SORCS2: variants seen among roughly 807,000 people sequenced by gnomAD.
SORCS2 encodes sortilin related VPS10 domain containing receptor 2, also known as VPS10 domain-containing receptor SorCS2.
In SORCS2, 100 loss-of-function variants were observed where a neutral mutation model predicts 141.6. The observed-to-expected ratio is 0.71, with a 90% confidence interval of 0.60 to 0.83. The LOEUF (loss-of-function observed/expected upper bound fraction) is 0.83. Among genes scored for constraint, SORCS2 ranks in the 40% least tolerant of loss-of-function variants. SORCS2 has a pLI of 0.00. For missense variants in SORCS2, 1,646 were observed against 1,560.2 expected (o/e 1.05, Z -0.93); for synonymous variants, 789 against 676.9 (o/e 1.17, Z -2.57).
At chr4:7,640,516 G>A (rs2108870418) in intron 4 of SORCS2, among the ~76,000 whole-genome samples, 1 of 151,758 alleles carries the variant, frequency 6.6e-6, no homozygotes, top group East Asian at 1.9e-4. Context: ...GAGTGTGTGA[G>A]TGTATGTGGA....
chr4:7,349,783 T>G (rs1720836047), intron 1 of SORCS2, among the ~76,000 whole-genome samples: 1 of 152,194 alleles, frequency 6.6e-6, no homozygotes, highest in African/African-American at 2.4e-5. Context: ...CGGAGAACTG[T>G]TGGACTGGAC....
At chr4:7,534,230 G>T (rs929426792) in intron 3 of SORCS2, among the ~76,000 whole-genome samples, 1 of 152,204 alleles carries the variant, frequency 6.6e-6, no homozygotes, top group Non-Finnish European at 1.5e-5. Context: ...CACTGTAGCC[G>T]CATCAGGTTT....
intron 2 of SORCS2, among the ~76,000 whole-genome samples, chr4:7,453,205 G>T (rs1218342552): frequency 7.4e-6 from 1 of 135,410 alleles, no homozygotes. Flanking sequence ...TCCGTGTTGG[G>T]GTCAGGCGCT....
At chr4:7,526,533 G>A (rs930039319) in intron 2 of SORCS2, among the ~76,000 whole-genome samples, 2 of 150,732 alleles carry the variant, frequency 1.3e-5, no homozygotes, top group African/African-American at 2.5e-5. Context: ...ATGAATCGGC[G>A]GAGAACAGGG....
At chr4:7,368,058 T>C (rs1722012518) in intron 1 of SORCS2, among the ~76,000 whole-genome samples, 1 of 152,212 alleles carries the variant, frequency 6.6e-6, no homozygotes, top group South Asian at 2.1e-4. Context: ...AAGCTCCTTT[T>C]TTTACAGAGG....
At chr4:7,369,746 C>T (rs1722130720) in intron 1 of SORCS2, among the ~76,000 whole-genome samples, 1 of 152,200 alleles carries the variant, frequency 6.6e-6, no homozygotes, top group Non-Finnish European at 1.5e-5. Flanking sequence ...CAGGTTCTCC[C>T]TCCCCGTGGA....
intron 2 of SORCS2, among the ~76,000 whole-genome samples, chr4:7,418,001 A>C (rs1047466642): frequency 4.6e-5 from 7 of 152,182 alleles, no homozygotes; most frequent in Non-Finnish European, 7.3e-5. Flanking sequence ...TGTCTGGCTC[A>C]TCAGATGTTT....
chr4:7,277,789 G>T (rs985783622), intron 1 of SORCS2, among the ~76,000 whole-genome samples: 1 of 152,168 alleles, frequency 6.6e-6, no homozygotes, highest in African/African-American at 2.4e-5. Context: ...CCTGCAGAGC[G>T]CTGGGTGCAG....
In SORCS2 at chr4:7,193,091, C is replaced by T. The variant is rs745569830; in HGVS notation, c.445C>T (p.Gln149Ter). The T allele has an allele frequency of 6.4e-7, 1 of 1,560,522 alleles. No individual in the cohort carries two copies. The highest frequency in any genetic ancestry group is 2.5e-5 in the East Asian group (1 of 39,664). Residue 149 changes from glutamine (Q) to a stop codon, truncating the protein, a stop_gained, in exon 1 of 27, where the codon CAG becomes TAG. Coordinates refer to ENST00000507866, the MANE Select transcript of SORCS2 (RefSeq NM_020777.3). LOFTEE classifies it high-confidence loss of function. This position sits in a 1 kb window ranked among gnomAD's most constrained non-coding sequence, Gnocchi z 4.8. Reference protein sequence around the residue: ...FVLKGDATHNQAMVHWTGENS... With the variant: ...FVLKGDATHN ...GCTCAAGGGGGACGCGACGCACAAC[C>T]AGGCGATGGTGCACTGGACGGGCGA...
At position 7,468,236 on chromosome 4, in the gene SORCS2, C is replaced by T. The variant is rs145649652; in HGVS notation, c.549-63294C>T. 1.4e-3 allele frequency among the ~76,000 whole-genome samples: 213 copies of T among 152,310 alleles called. 1 individual carries two copies. Among genetic ancestry groups the T allele is most frequent in the Non-Finnish European group, 2.5e-3 (169 of 68,040 alleles). On this transcript the variant is annotated intron_variant, in intron 2 of 26. Coordinates refer to ENST00000507866, the MANE Select transcript of SORCS2 (RefSeq NM_020777.3). ...GCCCCAGGTCTAAGTGGGACTCCAC[C>T]GTCCTCCTTCCAGGTATGGAGCTAC...
intron 2 of SORCS2, among the ~76,000 whole-genome samples, chr4:7,420,283 C>G (rs913346608): frequency 2.6e-5 from 4 of 152,230 alleles, no homozygotes; most frequent in East Asian, 1.9e-4. Flanking sequence ...TCTCCCATCT[C>G]CCATCTAGGG....
intron 1 of SORCS2, among the ~76,000 whole-genome samples, chr4:7,373,225 C>T (rs1291699299): frequency 6.6e-6 from 1 of 151,372 alleles, no homozygotes; most frequent in Non-Finnish European, 1.5e-5. Context: ...TCTGGTTGCT[C>T]CACGTCCTCT....
Position 7,368,666 on chromosome 4 carries a change from C to A in SORCS2, c.481-27622C>A, listed in dbSNP as rs142335357. 1.9e-3 allele frequency among the ~76,000 whole-genome samples: 286 copies of A among 152,330 alleles called. 3 individuals are homozygous for A. The highest frequency in any genetic ancestry group is 3.4e-3 in the Middle Eastern group (1 of 294). ...TTCATGGGAGGGGCCAAGACATGTT[C>A]CCTGAGTGGCTCAGTCCCTGGAAGC... is the stretch of plus-strand genomic sequence containing the variant. On this transcript the variant is annotated intron_variant, in intron 1 of 26. Transcript: ENST00000507866.
At chr4:7,229,924 C>T (rs866806941) in intron 1 of SORCS2, among the ~76,000 whole-genome samples, 9 of 144,550 alleles carry the variant, frequency 6.2e-5, no homozygotes, top group Non-Finnish European at 1.2e-4. Flanking sequence ...GTCAAGTCTT[C>T]GAGTCTCTGG....
At chr4:7,416,884 A>G (rs563882829) in intron 2 of SORCS2, among the ~76,000 whole-genome samples, 1 of 151,798 alleles carries the variant, frequency 6.6e-6, no homozygotes, top group Admixed American at 6.5e-5. Flanking sequence ...AGACACACAC[A>G]TATGCATGCA....
At chr4:7,507,913 C>G (rs544062219) in intron 2 of SORCS2, among the ~76,000 whole-genome samples, 2 of 152,250 alleles carry the variant, frequency 1.3e-5, no homozygotes, top group South Asian at 2.1e-4. Context: ...TATGTATAAC[C>G]ACTTCAGTGA....
At chr4:7,597,172 T>C (rs921675475) in intron 3 of SORCS2, among the ~76,000 whole-genome samples, 1 of 129,402 alleles carries the variant, frequency 7.7e-6, no homozygotes, top group African/African-American at 3.0e-5. Flanking sequence ...GTTATGGTAG[T>C]AGGGGAGGGG....
chr4:7,263,032 C>T (rs1346284893), intron 1 of SORCS2, among the ~76,000 whole-genome samples: 2 of 152,184 alleles, frequency 1.3e-5, no homozygotes, highest in African/African-American at 4.8e-5. Flanking sequence ...CTTCTGCTTC[C>T]CGACTGCTGC....
chr4:7,617,361 C>T (rs1268374305), intron 3 of SORCS2, among the ~76,000 whole-genome samples: 1 of 152,222 alleles, frequency 6.6e-6, no homozygotes, highest in Non-Finnish European at 1.5e-5. Flanking sequence ...TATGCACCTA[C>T]CCATCCACCC....
Sources: allele counts gnomAD v4.1 joint callset (sites outside exome capture counted in the v4.1 genomes callset), GRCh38; gene constraint gnomAD v4.1.1; non-coding constraint Gnocchi (gnomAD v3.1); transcripts MANE v1.5; gene names NCBI Gene and HGNC (gene_info 2026-07-23, HGNC 2026-07-21).